The following GALNT13 variants were observed in gnomAD, a reference collection of about 807,000 sequenced individuals.
GALNT13 encodes the protein UDP-GalNAc:polypeptide N-acetylgalactosaminyltransferase 13.
GALNT13 carries 28 observed loss-of-function variants against 64.2 expected under a neutral mutation model. The observed-to-expected ratio is 0.44, with a 90% confidence interval of 0.32 to 0.60. The LOEUF is 0.60. Among genes scored for constraint, GALNT13 ranks in the 20% least tolerant of loss-of-function variants. GALNT13 has a pLI of 0.05. For synonymous variants in GALNT13, 214 were observed against 224.6 expected (o/e 0.95, Z 0.42); for missense variants, 577 against 669.8 (o/e 0.86, Z 1.53).
intron 11 of GALNT13, among the ~76,000 whole-genome samples, chr2:154,433,283 C>G (rs1700787914): frequency 6.6e-6 from 1 of 152,038 alleles, no homozygotes; most frequent in Non-Finnish European, 1.5e-5. Flanking sequence ...AGAGTTTTCA[C>G]AAAAAGTGGC....
At chr2:153,296,617 T>A in the GALNT13 span, among the ~76,000 whole-genome samples, 9 of 152,170 alleles carry the variant, frequency 5.9e-5, no homozygotes, top group Non-Finnish European at 1.0e-4. Context: ...CAGGATATAT[T>A]CCTGACTGAC....
At chr2:153,375,416 A>C in the GALNT13 span, among the ~76,000 whole-genome samples, 1 of 152,102 alleles carries the variant, frequency 6.6e-6, no homozygotes, top group Non-Finnish European at 1.5e-5. Context: ...TTTTTCATTC[A>C]GTTATTTGTT....
At chr2:153,283,214 A>C in the GALNT13 span, among the ~76,000 whole-genome samples, 2 of 152,246 alleles carry the variant, frequency 1.3e-5, no homozygotes, top group South Asian at 4.1e-4. Context: ...ACTAGTACTA[A>C]GGGAGAATTC....
At chr2:154,244,537 A>G (rs1470900982) in intron 6 of GALNT13, among the ~76,000 whole-genome samples, 5 of 152,194 alleles carry the variant, frequency 3.3e-5, no homozygotes, top group Non-Finnish European at 7.4e-5. Context: ...TGTGCTTTTC[A>G]TATCTAGGGA....
intron 3 of GALNT13, among the ~76,000 whole-genome samples, chr2:154,014,422 C>T (rs1173758980): frequency 1.3e-5 from 2 of 151,834 alleles, no homozygotes; most frequent in African/African-American, 4.8e-5. Flanking sequence ...GCTCAACAGC[C>T]CCATGCAGGA....
At chr2:153,908,401 C>T (rs1038300825) in intron 2 of GALNT13, among the ~76,000 whole-genome samples, 2 of 152,024 alleles carry the variant, frequency 1.3e-5, no homozygotes, top group African/African-American at 2.4e-5. Flanking sequence ...TGAGTTAGAT[C>T]CCATTTGTCA....
chr2:154,210,651 A>G (rs1004172243), intron 4 of GALNT13, among the ~76,000 whole-genome samples: 1 of 152,216 alleles, frequency 6.6e-6, no homozygotes, highest in African/African-American at 2.4e-5. Context: ...GGGACACTTA[A>G]TGGTCTTACA....
chr2:153,235,376 G>T, the GALNT13 span, among the ~76,000 whole-genome samples: 8 of 152,168 alleles, frequency 5.3e-5, no homozygotes, highest in Non-Finnish European at 1.0e-4. Flanking sequence ...ATGCTCAAAG[G>T]TGAGACAGCA....
chr2:154,358,626 G>T (rs1228232972), intron 9 of GALNT13, among the ~76,000 whole-genome samples: 13 of 151,958 alleles, frequency 8.6e-5, no homozygotes, highest in African/African-American at 3.1e-4. Context: ...TTGCTTTTTT[G>T]ATTTTTTTTC....
the GALNT13 span, among the ~76,000 whole-genome samples, chr2:153,425,145 T>C: frequency 3.3e-5 from 5 of 151,548 alleles, no homozygotes; most frequent in East Asian, 5.8e-4. Flanking sequence ...AACTAAAGAA[T>C]AGTATTTATA....
At chr2:153,733,563 A>G in the GALNT13 span, among the ~76,000 whole-genome samples, 1 of 152,148 alleles carries the variant, frequency 6.6e-6, no homozygotes, top group Non-Finnish European at 1.5e-5. Flanking sequence ...TTTCATGATG[A>G]ACTCTCTATA....
chr2:153,451,600 C>T, the GALNT13 span, among the ~76,000 whole-genome samples: 1 of 152,180 alleles, frequency 6.6e-6, no homozygotes, highest in African/African-American at 2.4e-5. Flanking sequence ...ATATCACATC[C>T]ACATAATGCA....
At chr2:153,794,324 C>T in the GALNT13 span, among the ~76,000 whole-genome samples, 4 of 151,940 alleles carry the variant, frequency 2.6e-5, no homozygotes, top group Admixed American at 1.3e-4. Context: ...ACTGGTGTTT[C>T]CCTTAAAATG....
intron 9 of GALNT13, among the ~76,000 whole-genome samples, chr2:154,349,714 A>G (rs1696282677): frequency 6.6e-6 from 1 of 152,226 alleles, no homozygotes; most frequent in South Asian, 2.1e-4. Flanking sequence ...CATATCCAGA[A>G]TCAGATGCTG....
At chr2:154,014,407 A>C (rs1337643369) in intron 3 of GALNT13, among the ~76,000 whole-genome samples, 1 of 151,882 alleles carries the variant, frequency 6.6e-6, no homozygotes, top group East Asian at 2.0e-4. Flanking sequence ...GGAGTGGGTC[A>C]CAGGGCTCAA....
the GALNT13 span, among the ~76,000 whole-genome samples, chr2:153,200,247 G>T: frequency 4.6e-5 from 7 of 152,218 alleles, no homozygotes; most frequent in African/African-American, 1.4e-4. Flanking sequence ...CAGGTGAAGA[G>T]CAAGAATTGT....
chr2:153,946,699 A>G (rs1691776117), intron 3 of GALNT13, among the ~76,000 whole-genome samples: 1 of 152,078 alleles, frequency 6.6e-6, no homozygotes, highest in Non-Finnish European at 1.5e-5. Context: ...CACCCCCCAA[A>G]GGCCCTATCT....
intron 3 of GALNT13, among the ~76,000 whole-genome samples, chr2:154,041,316 T>G (rs1277206039): frequency 7.1e-6 from 1 of 140,912 alleles, no homozygotes; most frequent in Non-Finnish European, 1.6e-5. Flanking sequence ...ACTGTGTTAT[T>G]ACTTCCAATC....
At chr2:153,866,727 G>A in the GALNT13 span, among the ~76,000 whole-genome samples, 1 of 152,038 alleles carries the variant, frequency 6.6e-6, no homozygotes, top group African/African-American at 2.4e-5. Flanking sequence ...ATGAGATATT[G>A]CTTTCATAAA....
Sources: gnomAD v4.1 joint callset for allele counts (sites outside exome capture counted in the v4.1 genomes callset) on GRCh38, gnomAD v4.1.1 for gene constraint, MANE v1.5 for transcripts, NCBI Gene and HGNC (gene_info 2026-07-23, HGNC 2026-07-21) for gene names.